Variants in MLXIP observed in about 807,000 individuals in gnomAD.
MLXIP encodes MLX-interacting protein.
MLXIP carries 30 observed loss-of-function variants against 87.2 expected under a neutral mutation model. The ratio of observed to expected loss-of-function variants is 0.34; its 90% CI spans 0.26 to 0.47. MLXIP has a LOEUF of 0.47. Ranked by LOEUF, MLXIP falls within the 20% of genes least tolerant of loss-of-function variation. The pLI, the probability that MLXIP is intolerant of heterozygous loss-of-function variation, is 1.00. For missense variants in MLXIP, 1,002 were observed against 1,240.1 expected (o/e 0.81, Z 2.88); for synonymous variants, 530 against 514.0 (o/e 1.03, Z -0.42).
intron 1 of MLXIP, among the ~76,000 whole-genome samples, chr12:122,094,472 GGTGTGTGGGTGTGTGTTTGCAATGTCT>G (rs1952313380): frequency 7.6e-6 from 1 of 132,160 alleles, no homozygotes; most frequent in Non-Finnish European, 1.6e-5. Context: ...TGTGTGTGTT[GGTGTGTGGGTGTGTGTTTGCAATGTCT>G]GTGTGTGTGG....
intron 1 of MLXIP, among the ~76,000 whole-genome samples, chr12:122,116,278 T>A (rs1370657961): frequency 2.7e-5 from 3 of 112,016 alleles, no homozygotes; most frequent in Non-Finnish European, 5.6e-5. Context: ...TACTTCAGAA[T>A]AAGTTTTTTT....
Position 122,137,385 on chromosome 12 carries a change from A to C in MLXIP, c.2033-84A>C. On this transcript the variant is annotated intron_variant, in intron 11 of 16. Coordinates refer to ENST00000319080, the MANE Select transcript of MLXIP (RefSeq NM_014938.6). The surrounding 1 kb of genome is among the most constrained non-coding windows in gnomAD (Gnocchi z 4.1). ...ATACGTGGCTAGCAGCGAGCACCTC[A>C]TAACCCTGCAGAGACCCCAGGCTGC... 1 of 1,506,692 alleles carries C rather than the reference A, an allele frequency of 6.6e-7. No homozygotes were observed. Among genetic ancestry groups the C allele is most frequent in the Non-Finnish European group, 8.9e-7 (1 of 1,122,620 alleles). 93.3% of individuals were successfully genotyped at this position (1,506,692 alleles called of 1,614,324 possible). A position where few individuals can be genotyped will look rare whatever the true frequency, so the allele number is the denominator to read the frequency against.
intron 1 of MLXIP, among the ~76,000 whole-genome samples, chr12:122,087,746 C>T (rs926761203): frequency 2.6e-5 from 4 of 151,906 alleles, no homozygotes; most frequent in African/African-American, 7.3e-5. Flanking sequence ...CTACAGGAGA[C>T]GGGTCTAGGG....
chr12:122,144,882 ATC>A lies in MLXIP; in HGVS notation c.*3073_*3074del, dbSNP rs1832326186. On this transcript the variant is annotated 3_prime_UTR_variant, in exon 17 of 17. Transcript: ENST00000319080. ...AGCCTGGGTGACAGAGCAAAACCCT[ATC>A]TCAAAAAAAAAAAGAAGAAAAAAAT... The A allele has an allele frequency of 6.6e-6, 1 of 151,918 alleles. No homozygotes were observed. Among genetic ancestry groups the A allele is most frequent in the South Asian group, 2.1e-4 (1 of 4,824 alleles). The allele number at this position is 151,918 out of a possible 1,614,324, so 9.4% of individuals were successfully genotyped here.
intron 2 of MLXIP, 75 bp downstream of exon 2, chr12:122,127,437 G>C: frequency 9.4e-7 from 1 of 1,058,594 alleles, no homozygotes; most frequent in Middle Eastern, 2.7e-4. Flanking sequence ...CCAGGGACCA[G>C]AGTCTGCTCC....
At position 122,135,790 on chromosome 12, in the gene MLXIP, T is replaced by C; in HGVS notation, c.2032+124T>C. 1.7e-6 allele frequency: 2 copies of C among 1,157,740 alleles called. No homozygotes were observed. The highest frequency in any genetic ancestry group is 2.3e-6 in the Non-Finnish European group (2 of 855,902). The allele number at this position is 1,157,740 out of a possible 1,614,324, so 71.7% of individuals were successfully genotyped here. A position where few individuals can be genotyped will look rare whatever the true frequency, so the allele number is the denominator to read the frequency against. The stretch of plus-strand genomic sequence containing the variant: ...CCTGGGCTTAGGACACACAGTGAGG[T>C]CTTGTAGGCCTGCTGATAACACAGT... On this transcript the variant is annotated intron_variant, in intron 11 of 16. Coordinates refer to ENST00000319080, the MANE Select transcript of MLXIP (RefSeq NM_014938.6). The surrounding 1 kb of genome is among the most constrained non-coding windows in gnomAD (Gnocchi z 5.3).
At chr12:122,108,459 A>G (rs1952555829) in intron 1 of MLXIP, among the ~76,000 whole-genome samples, 2 of 151,510 alleles carry the variant, frequency 1.3e-5, no homozygotes, top group African/African-American at 4.9e-5. Flanking sequence ...ATTCTTCCTT[A>G]TGTCAGGAAA....
In MLXIP at chr12:122,135,779, A is replaced by G; in HGVS notation, c.2032+113A>G. ...CCAGGACGGAGCCTGGGCTTAGGACACACAGTGAGGTCTTGTAGGCCTGCT... is the reference window on the plus strand; with the variant it reads ...CCAGGACGGAGCCTGGGCTTAGGACGCACAGTGAGGTCTTGTAGGCCTGCT... On this transcript the variant is annotated intron_variant, in intron 11 of 16. Transcript: ENST00000319080. The surrounding 1 kb of genome is among the most constrained non-coding windows in gnomAD (Gnocchi z 5.3). 1 of 1,273,448 alleles carries G rather than the reference A, an allele frequency of 7.9e-7. No individual in the cohort carries two copies. Among genetic ancestry groups the G allele is most frequent in the Non-Finnish European group, 1.0e-6 (1 of 958,012 alleles). 78.9% of individuals were successfully genotyped at this position (1,273,448 alleles called of 1,614,324 possible).
At chr12:122,101,110 C>A (rs956465193) in intron 1 of MLXIP, among the ~76,000 whole-genome samples, 1 of 152,308 alleles carries the variant, frequency 6.6e-6, no homozygotes, top group Admixed American at 6.5e-5. Context: ...TGTCCCCGGG[C>A]TAACTGAATT....
intron 1 of MLXIP, among the ~76,000 whole-genome samples, chr12:122,115,006 C>G (rs112773434): frequency 0.042 from 6,448 of 151,840 alleles, 420 homozygotes; most frequent in African/African-American, 0.15. Context: ...CTCAGCCTCC[C>G]AAAGTGCTGG....
chr12:122,141,168 C>T, intron 16 of MLXIP, 85 bp downstream of exon 16: 3 of 1,484,048 alleles, frequency 2.0e-6, no homozygotes, highest in Non-Finnish European at 2.7e-6. Flanking sequence ...ATTAGCCAGA[C>T]TCCACTGCAG....
chr12:122,135,911 C>T lies in MLXIP; in HGVS notation c.2032+245C>T, dbSNP rs1049007800. ...TGGCAGTGTAGGTGACCCGTGTGCT[C>T]GGGGAGTCCCTGCTGACTGCCCACG... On this transcript the variant is annotated intron_variant, in intron 11 of 16. Coordinates refer to ENST00000319080, the MANE Select transcript of MLXIP (RefSeq NM_014938.6). This position sits in a 1 kb window ranked among gnomAD's most constrained non-coding sequence, Gnocchi z 5.3. 1.1e-4 allele frequency: 54 copies of T among 475,096 alleles called. 1 individual carries two copies. In the East Asian group the frequency reaches 1.6e-3, roughly 14 times the overall value. 29.4% of individuals were successfully genotyped at this position (475,096 alleles called of 1,614,324 possible). A position where few individuals can be genotyped will look rare whatever the true frequency, so the allele number is the denominator to read the frequency against.
chr12:122,111,828 G>A (rs1952610242), intron 1 of MLXIP, among the ~76,000 whole-genome samples: 1 of 152,168 alleles, frequency 6.6e-6, no homozygotes. Context: ...TTTTAAGTAG[G>A]TTAAGTAGTG....
Position 122,130,071 on chromosome 12 carries a change from C to G in MLXIP, c.869C>G (p.Ser290Cys). 1 of 1,613,980 alleles carries G rather than the reference C, an allele frequency of 6.2e-7. No individual in the cohort carries two copies. Among genetic ancestry groups the G allele is most frequent in the Non-Finnish European group, 8.5e-7 (1 of 1,179,874 alleles). Residue 290 changes from serine to cysteine, a missense_variant, in exon 6 of 17, where the codon TCT (serine) becomes TGT (cysteine). Around this residue, in one of 3 missense-constraint regions of MLXIP, gnomAD observed 746 missense variants for 897.0 expected, o/e 0.83. Coordinates refer to ENST00000319080, the MANE Select transcript of MLXIP (RefSeq NM_014938.6). ...AGCGACACCCTCTTCTCCACACTTT[C>G]TTCACACCAGCCGGTGGCCTGGCCC... ...EFSDTLFSTL[S>C]SHQPVAWPNP... is the part of the protein sequence containing the mutation.
chr12:122,117,081 C>A (rs1449604945), intron 1 of MLXIP, among the ~76,000 whole-genome samples: 2 of 152,178 alleles, frequency 1.3e-5, no homozygotes, highest in African/African-American at 4.8e-5. Context: ...GACAAACATA[C>A]ACCCTCACAA....
At chr12:122,131,194 G>A (rs185130260) in intron 7 of MLXIP, among the ~76,000 whole-genome samples, 11 of 152,266 alleles carry the variant, frequency 7.2e-5, no homozygotes, top group Admixed American at 7.2e-4. Context: ...AGAGGGCACT[G>A]ATGACACAGC....
intron 1 of MLXIP, among the ~76,000 whole-genome samples, chr12:122,105,198 T>TATC (rs1952501079): frequency 6.6e-6 from 1 of 152,234 alleles, no homozygotes; most frequent in African/African-American, 2.4e-5. Context: ...ACATCCTTTT[T>TATC]ATCTCTGCAG....
chr12:122,080,228 T>C (rs1952071693), intron 1 of MLXIP, among the ~76,000 whole-genome samples: 1 of 152,208 alleles, frequency 6.6e-6, no homozygotes, highest in Non-Finnish European at 1.5e-5. Flanking sequence ...TTGAGCAGCT[T>C]GGCCCTGCAG....
At chr12:122,108,511 A>G (rs1184705608) in intron 1 of MLXIP, among the ~76,000 whole-genome samples, 2 of 152,092 alleles carry the variant, frequency 1.3e-5, no homozygotes, top group Non-Finnish European at 2.9e-5. Context: ...CTGAAACTTT[A>G]TAGTCAAAAA....
Sources: gnomAD v4.1 joint callset for allele counts (sites outside exome capture counted in the v4.1 genomes callset) on GRCh38, gnomAD v4.1.1 for gene constraint, gnomAD v4.1.1 regional missense constraint, Gnocchi (gnomAD v3.1) non-coding constraint, MANE v1.5 for transcripts, NCBI Gene and HGNC (gene_info 2026-07-23, HGNC 2026-07-21) for gene names.